RALGAPA2: variants seen among roughly 807,000 people sequenced by gnomAD.
The protein encoded by RALGAPA2 is ral GTPase-activating protein subunit alpha-2.
RALGAPA2 carries 139 observed loss-of-function variants against 230.4 expected under a neutral mutation model. The observed-to-expected ratio is 0.60, with a 90% CI of 0.53 to 0.69. RALGAPA2 has a LOEUF of 0.69. Among genes scored for constraint, RALGAPA2 ranks in the 30% least tolerant of loss-of-function variants. The probability of loss-of-function intolerance (pLI) is 0.00; values close to 1 mark genes in which losing one functional copy is unlikely to be tolerated. For synonymous variants in RALGAPA2, 847 were observed against 837.8 expected, an observed-to-expected ratio of 1.01 and a Z score of -0.19; for missense variants, 2,163 against 2,276.0, an observed-to-expected ratio of 0.95 and a Z score of 1.01.
Position 20,587,843 on chromosome 20 carries a change from G to A in RALGAPA2, c.2439+1425C>T, listed in dbSNP as rs2065177238. Reference sequence around the variant, plus strand: ...AGAAAAACAACAAAGGACATCAGTAGGCATTTCACAGATGAAACAAAAATG... The same window carrying A: ...AGAAAAACAACAAAGGACATCAGTAAGCATTTCACAGATGAAACAAAAATG... On this transcript the variant is annotated intron_variant, in intron 18 of 39. Transcript: ENST00000202677. Among the ~76,000 whole-genome samples the A allele has an allele frequency of 2.6e-5, 4 of 152,152 alleles. No individual in the cohort carries two copies. In the South Asian group the frequency reaches 8.3e-4, roughly 32 times the overall value.
intron 35 of RALGAPA2, among the ~76,000 whole-genome samples, chr20:20,495,493 T>A (rs932725882): frequency 6.6e-6 from 1 of 152,252 alleles, no homozygotes; most frequent in Non-Finnish European, 1.5e-5. Context: ...TAAGGCATGC[T>A]AGCTTCGCAG....
intron 3 of RALGAPA2, among the ~76,000 whole-genome samples, chr20:20,656,429 T>C (rs914654257): frequency 6.6e-6 from 1 of 152,210 alleles, no homozygotes; most frequent in Non-Finnish European, 1.5e-5. Flanking sequence ...ATTAATCTCT[T>C]GCCTTGAGAA....
chr20:20,405,167 C>A (rs2122709358), intron 38 of RALGAPA2, among the ~76,000 whole-genome samples: 1 of 152,308 alleles, frequency 6.6e-6, no homozygotes, highest in East Asian at 1.9e-4. Context: ...CTCAAGTTGA[C>A]AAGGCAAATG....
intron 36 of RALGAPA2, among the ~76,000 whole-genome samples, chr20:20,487,873 C>T (rs368059838): frequency 4.6e-5 from 7 of 150,684 alleles, no homozygotes; most frequent in Non-Finnish European, 1.0e-4. Context: ...GATCGTGCCA[C>T]TGCACTCTAG....
chr20:20,592,721 G>A (rs188754903), intron 16 of RALGAPA2, among the ~76,000 whole-genome samples: 236 of 152,280 alleles, frequency 1.5e-3, no homozygotes, highest in Non-Finnish European at 2.6e-3. Context: ...GCCACCCTCT[G>A]TATAATCCTT....
intron 27 of RALGAPA2, among the ~76,000 whole-genome samples, chr20:20,528,453 C>A (rs1173276323): frequency 1.3e-5 from 2 of 151,932 alleles, no homozygotes; most frequent in African/African-American, 4.8e-5. Context: ...GTGGGTGGGA[C>A]GGACGATGGG....
At chr20:20,458,771 G>T (rs1392352031) in intron 37 of RALGAPA2, among the ~76,000 whole-genome samples, 85 of 120,716 alleles carry the variant, frequency 7.0e-4, no homozygotes, top group African/African-American at 2.5e-3. Flanking sequence ...TATATATATA[G>T]ACCTATATAT....
chr20:20,533,008 G>A (rs1211684772), intron 26 of RALGAPA2, among the ~76,000 whole-genome samples: 2 of 144,206 alleles, frequency 1.4e-5, no homozygotes, highest in African/African-American at 5.1e-5. Context: ...AAACAACTGA[G>A]ATAATAAATA....
chr20:20,628,262 C>CA (rs1345239575), intron 10 of RALGAPA2, among the ~76,000 whole-genome samples: 1 of 152,100 alleles, frequency 6.6e-6, no homozygotes, highest in East Asian at 1.9e-4. Context: ...CTTGCCTCAC[C>CA]ATAAGAAGTT....
intron 18 of RALGAPA2, 148 bp downstream of exon 18, chr20:20,589,120 T>C: frequency 8.6e-7 from 1 of 1,160,882 alleles, no homozygotes; most frequent in Non-Finnish European, 1.1e-6. Context: ...AAGCAAAATC[T>C]TAAAAGATCT....
rs191122094 is a variant in RALGAPA2 at position 20,398,803 on chromosome 20, A to G, written c.5618-2069T>C. On this transcript the variant is annotated intron_variant, in intron 38 of 39. Coordinates refer to ENST00000202677, the MANE Select transcript of RALGAPA2 (RefSeq NM_020343.4). The surrounding 1 kb of genome is among the most constrained non-coding windows in gnomAD (Gnocchi z 4.5). ...CAGGTACTGTTTTAGGCTCTGGGTT[A>G]CAGTGGTGACCAAAGCAGATGAAAC... Among the ~76,000 whole-genome samples, 4 of 152,208 alleles carry G rather than the reference A, an allele frequency of 2.6e-5. No individual in the cohort carries two copies. The highest frequency in any genetic ancestry group is 1.3e-4 in the Admixed American group (2 of 15,282).
chr20:20,397,967 A>G (rs2059753181), intron 38 of RALGAPA2, among the ~76,000 whole-genome samples: 1 of 152,196 alleles, frequency 6.6e-6, no homozygotes, highest in African/African-American at 2.4e-5. Context: ...TTTGGGCACA[A>G]GAGGTTCTGG....
chr20:20,425,362 A>C lies in RALGAPA2; in HGVS notation c.5496-13214T>G, dbSNP rs185991342. On this transcript the variant is annotated intron_variant, in intron 37 of 39. Transcript: ENST00000202677. ...TTCATTTCTGAAAGCAATTTTGGGG[A>C]AATAATTCCTTTTCATGGTATTTAC... Among the ~76,000 whole-genome samples the C allele has an allele frequency of 2.4e-3, 372 of 152,314 alleles. 1 individual carries two copies. The highest frequency in any genetic ancestry group is 8.4e-3 in the African/African-American group (350 of 41,570).
intron 33 of RALGAPA2, among the ~76,000 whole-genome samples, chr20:20,509,508 C>T (rs560083257): frequency 1.3e-5 from 2 of 152,138 alleles, no homozygotes; most frequent in South Asian, 4.2e-4. Context: ...TTAAGGCCAC[C>T]TAGGAAAAAA....
chr20:20,505,596 A>G (rs1364517075), intron 33 of RALGAPA2, 62 bp from the exon 34 acceptor site: 6 of 1,359,076 alleles, frequency 4.4e-6, no homozygotes, highest in Non-Finnish European at 9.9e-7. Flanking sequence ...CTTCACTACT[A>G]TTAATACCAC....
intron 37 of RALGAPA2, among the ~76,000 whole-genome samples, chr20:20,443,511 C>T (rs2060788436): frequency 6.6e-6 from 1 of 152,168 alleles, no homozygotes; most frequent in Admixed American, 6.5e-5. Flanking sequence ...CCAGGTGCCC[C>T]TAAATGTGAA....
At chr20:20,558,203 G>C (rs977839386) in intron 23 of RALGAPA2, among the ~76,000 whole-genome samples, 1 of 151,930 alleles carries the variant, frequency 6.6e-6, no homozygotes, top group Non-Finnish European at 1.5e-5. Context: ...ATGGGGCTTC[G>C]CCATGTTGGC....
In RALGAPA2 at chr20:20,619,264, G is replaced by A. The variant is rs776658797; in HGVS notation, c.1539+13C>T. 1.9e-6 allele frequency: 3 copies of A among 1,585,034 alleles called. No individual in the cohort carries two copies. Among genetic ancestry groups the A allele is most frequent in the South Asian group, 1.2e-5 (1 of 86,014 alleles). The stretch of plus-strand genomic sequence containing the variant: ...GCGGTGGAGGGGTCTTCATGTCCTG[G>A]CCAGCCACATACCTGCAACAAAGCC... On this transcript the variant is annotated intron_variant, in intron 12 of 39. Coordinates refer to ENST00000202677, the MANE Select transcript of RALGAPA2 (RefSeq NM_020343.4).
In RALGAPA2 at chr20:20,635,447, C is replaced by T. The variant is rs2066826675; in HGVS notation, c.976G>A (p.Gly326Arg). The T allele has an allele frequency of 6.2e-7, 1 of 1,601,958 alleles. No homozygotes were observed. Among genetic ancestry groups the T allele is most frequent in the Admixed American group, 1.8e-5 (1 of 57,030 alleles). The change falls in exon 9 of 40, where the codon GGA (glycine) becomes AGA (arginine). Residue 326 changes from glycine (G) to arginine (R), a missense_variant. Gly to Arg is a moderately radical substitution (Grantham distance 125, BLOSUM62 -2). Coordinates refer to ENST00000202677, the MANE Select transcript of RALGAPA2 (RefSeq NM_020343.4). ...YLTATQNTKNGVDVLPKIIQT... is the reference protein window; with the variant it reads ...YLTATQNTKNRVDVLPKIIQT... ...ATGATTTTAGGCAATACATCAACTC[C>T]ATTTTTAGTGTTTTGTGTTGCAGTT...
Sources: gnomAD v4.1 joint callset for allele counts (sites outside exome capture counted in the v4.1 genomes callset) on GRCh38, gnomAD v4.1.1 for gene constraint, Gnocchi (gnomAD v3.1) non-coding constraint, MANE v1.5 for transcripts, NCBI Gene and HGNC (gene_info 2026-07-23, HGNC 2026-07-21) for gene names.